The following CEP57 variants were observed in gnomAD, a reference collection of about 807,000 sequenced individuals.
The protein encoded by CEP57 is centrosomal protein 57, also known as centrosomal protein of 57 kDa.
Under a neutral mutation model 68.0 loss-of-function variants are expected in CEP57, and 40 were observed. The observed-to-expected ratio is 0.59, with a 90% CI of 0.46 to 0.77. CEP57 has a LOEUF of 0.77. CEP57 is among the 30% of genes least tolerant of loss of function. CEP57 has a pLI of 0.00. For synonymous variants in CEP57, 219 were observed against 198.7 expected, an observed-to-expected ratio of 1.10 and a Z score of -0.86; for missense variants, 606 against 580.7, an observed-to-expected ratio of 1.04 and a Z score of -0.45.
chr11:95,812,818 T>C, intron 2 of CEP57, 114 bp from the exon 3 acceptor site: 1 of 890,282 alleles, frequency 1.1e-6, no homozygotes, highest in Non-Finnish European at 1.9e-6. Flanking sequence ...AGAGTGATCC[T>C]CCACTGGACT....
chr11:95,802,089 T>C (rs1861603861), intron 2 of CEP57, among the ~76,000 whole-genome samples: 1 of 151,818 alleles, frequency 6.6e-6, no homozygotes, highest in Non-Finnish European at 1.5e-5. Flanking sequence ...GAAAAGACAT[T>C]TGTTGGGGAT....
At chr11:95,817,602 C>G in intron 4 of CEP57, among the ~76,000 whole-genome samples, 185 bp from the exon 5 acceptor site, 1 of 152,088 alleles carries the variant, frequency 6.6e-6, no homozygotes, top group South Asian at 2.1e-4. Context: ...GCCAAGGCAA[C>G]TGAGCTAAGA....
At position 95,790,670 on chromosome 11, in the gene CEP57, G is replaced by C; in HGVS notation, c.-29G>C. On this transcript the variant is annotated 5_prime_UTR_variant, in exon 1 of 11. Transcript: ENST00000325542. ...CACGAGAACCTAGACCGCCCCCGAA[G>C]TGCGGAGACCCCCTGGGCAGGCTGA... 6.2e-7 allele frequency: 1 copy of C among 1,612,656 alleles called. No homozygotes were observed. Among genetic ancestry groups the C allele is most frequent in the South Asian group, 1.1e-5 (1 of 90,658 alleles).
At chr11:95,830,804 GTTTTATATATA>G (rs1862966421) in intron 10 of CEP57, among the ~76,000 whole-genome samples, 1 of 150,938 alleles carries the variant, frequency 6.6e-6, no homozygotes, top group Non-Finnish European at 1.5e-5. Context: ...TTTGTGTATT[GTTTTATATATA>G]TATAAGCATA....
intron 2 of CEP57, among the ~76,000 whole-genome samples, chr11:95,807,699 C>T (rs1385307610): frequency 1.3e-5 from 2 of 152,158 alleles, no homozygotes; most frequent in East Asian, 1.9e-4. Flanking sequence ...AACAAAGCCT[C>T]CAAGAAATAT....
At chr11:95,804,800 T>A (rs1316507192) in intron 2 of CEP57, among the ~76,000 whole-genome samples, 1 of 152,234 alleles carries the variant, frequency 6.6e-6, no homozygotes, top group Non-Finnish European at 1.5e-5. Context: ...AAAGCATTTT[T>A]AAAATCTATA....
chr11:95,830,151 G>C (rs1363750030), intron 10 of CEP57, among the ~76,000 whole-genome samples: 1 of 152,156 alleles, frequency 6.6e-6, no homozygotes, highest in Non-Finnish European at 1.5e-5. Context: ...TTCACAAAAG[G>C]CTTCTGAGGT....
At chr11:95,797,527 A>T (rs1003714116) in intron 1 of CEP57, among the ~76,000 whole-genome samples, 9 of 152,114 alleles carry the variant, frequency 5.9e-5, no homozygotes, top group Admixed American at 4.6e-4. Context: ...CTTCCAGAAG[A>T]TGCCTTCAAA....
chr11:95,794,556 T>C (rs974477353), intron 1 of CEP57, among the ~76,000 whole-genome samples: 15 of 152,120 alleles, frequency 9.9e-5, no homozygotes, highest in Non-Finnish European at 1.5e-4. Flanking sequence ...CCTGTTTTTT[T>C]CAAACCTTTA....
chr11:95,797,907 C>G (rs1472065282), intron 1 of CEP57, among the ~76,000 whole-genome samples: 1 of 152,054 alleles, frequency 6.6e-6, no homozygotes, highest in Non-Finnish European at 1.5e-5. Flanking sequence ...TTGTAAATAA[C>G]CAATGAAAAC....
intron 2 of CEP57, among the ~76,000 whole-genome samples, chr11:95,809,254 A>ACTTTC (rs1196289408): frequency 6.6e-6 from 1 of 152,232 alleles, no homozygotes; most frequent in East Asian, 1.9e-4. Context: ...AAAGCAGGAA[A>ACTTTC]GATCTAAAAT....
At chr11:95,819,286 C>T (rs372616324) in intron 6 of CEP57, among the ~76,000 whole-genome samples, 1 of 152,108 alleles carries the variant, frequency 6.6e-6, no homozygotes, top group East Asian at 1.9e-4. Context: ...CTCAAGATGC[C>T]AGGATAGAAG....
chr11:95,799,957 T>A (rs1490538344), intron 2 of CEP57, among the ~76,000 whole-genome samples: 3 of 152,224 alleles, frequency 2.0e-5, no homozygotes, highest in Non-Finnish European at 4.4e-5. Context: ...TGTCTTCTGT[T>A]TTTTCCTTTC....
At chr11:95,827,677 A>G (rs1451468630) in intron 8 of CEP57, 109 bp from the exon 9 acceptor site, 17 of 1,217,900 alleles carry the variant, frequency 1.4e-5, no homozygotes, top group Non-Finnish European at 1.5e-5. Context: ...TAGGATTTAT[A>G]TACTCTACTT....
chr11:95,813,682 G>T, intron 4 of CEP57, 93 bp downstream of exon 4: 1 of 1,477,444 alleles, frequency 6.8e-7, no homozygotes, highest in Admixed American at 1.7e-5. Flanking sequence ...AGGATTAATG[G>T]TGCTGTTACA....
chr11:95,805,185 G>C (rs1267875582), intron 2 of CEP57, among the ~76,000 whole-genome samples: 1 of 152,196 alleles, frequency 6.6e-6, no homozygotes, highest in African/African-American at 2.4e-5. Context: ...AGTCTTTAGT[G>C]AATTTGCCTC....
chr11:95,797,512 A>G (rs539270178), intron 1 of CEP57, among the ~76,000 whole-genome samples: 1 of 152,200 alleles, frequency 6.6e-6, no homozygotes, highest in Admixed American at 6.5e-5. Context: ...TTTTCTGGCA[A>G]CCAGCTTCCA....
intron 1 of CEP57, chr11:95,795,499 CT>C (rs5793747): frequency 3.2e-4 from 119 of 374,416 alleles, no homozygotes; most frequent in South Asian, 1.2e-3. Context: ...AGCTGTTATT[CT>C]TTTTTTTTTT....
chr11:95,822,987 C>G, intron 8 of CEP57: 1 of 241,408 alleles, frequency 4.1e-6, no homozygotes, highest in East Asian at 9.5e-5. Context: ...CAGATCATTT[C>G]TAGGACTAAT....
Sources: gnomAD v4.1 joint callset for allele counts (sites outside exome capture counted in the v4.1 genomes callset) on GRCh38, gnomAD v4.1.1 for gene constraint, MANE v1.5 for transcripts, NCBI Gene and HGNC (gene_info 2026-07-23, HGNC 2026-07-21) for gene names.